Variants in SPAST observed in about 807,000 individuals in gnomAD.
SPAST encodes the protein spastin.
A neutral mutation model predicts 76.6 loss-of-function variants in SPAST; 30 were observed. That is an observed-to-expected ratio of 0.39 (90% CI 0.29 to 0.53). The LOEUF is 0.53. SPAST is among the 20% of genes least tolerant of loss of function. The pLI is 0.68. For missense variants in SPAST, 717 were observed against 770.5 expected, an observed-to-expected ratio of 0.93 and a Z score of 0.82; for synonymous variants, 305 against 281.0, an observed-to-expected ratio of 1.09 and a Z score of -0.86.
Position 32,064,121 on chromosome 2 carries a change from C to G in SPAST, c.290C>G (p.Pro97Arg), listed in dbSNP as rs1314430315. Residue 97 changes from proline (P) to arginine (R), a missense_variant, in exon 1 of 17, where the codon CCA becomes CGA. Physicochemically the swap from Pro to Arg is moderately radical, Grantham distance 103 (BLOSUM62 -2). Transcript: ENST00000315285. ...GCCAAGAGGAGCTCCGGGGCCGCGC[C>G]AGCACCTGCCTCGGCCTCGGCCCCG... ...MAAKRSSGAAPAPASASAPAP... is the reference protein window; with the variant it reads ...MAAKRSSGAARAPASASAPAP... The G allele has an allele frequency of 1.3e-6, 2 of 1,592,984 alleles. No individual in the cohort carries two copies. The highest frequency in any genetic ancestry group is 1.7e-6 in the Non-Finnish European group (2 of 1,170,146).
chr2:32,070,311 G>T (rs1035874889), intron 1 of SPAST, among the ~76,000 whole-genome samples: 1 of 151,786 alleles, frequency 6.6e-6, no homozygotes, highest in Admixed American at 6.6e-5. Flanking sequence ...GAAGTGATCC[G>T]CCTGCCTCAG....
At chr2:32,093,398 C>G (rs1486446140) in intron 3 of SPAST, among the ~76,000 whole-genome samples, 1 of 151,614 alleles carries the variant, frequency 6.6e-6, no homozygotes. Context: ...ATGAGAATTG[C>G]TCGAGCCTGG....
intron 3 of SPAST, among the ~76,000 whole-genome samples, chr2:32,091,598 C>T (rs1025771650): frequency 3.4e-5 from 5 of 148,732 alleles, no homozygotes; most frequent in African/African-American, 4.9e-5. Flanking sequence ...TTTGGGAGGC[C>T]GAGGCGGGTG....
At chr2:32,103,203 A>G (rs1184194427) in intron 4 of SPAST, among the ~76,000 whole-genome samples, 2 of 152,174 alleles carry the variant, frequency 1.3e-5, no homozygotes, top group East Asian at 1.9e-4. Context: ...GGGAGGCTGT[A>G]TGTGTCCAGG....
chr2:32,098,218 C>T (rs1308489266), intron 3 of SPAST, among the ~76,000 whole-genome samples: 1 of 151,984 alleles, frequency 6.6e-6, no homozygotes, highest in Non-Finnish European at 1.5e-5. Context: ...GTAATCCCTG[C>T]ACTTTGGGAG....
intron 3 of SPAST, among the ~76,000 whole-genome samples, 193 bp downstream of exon 3, chr2:32,089,798 C>T (rs1423073743): frequency 5.3e-5 from 8 of 151,822 alleles, no homozygotes; most frequent in African/African-American, 1.9e-4. Flanking sequence ...GACGCTTGCT[C>T]TGTCACCCAG....
intron 1 of SPAST, among the ~76,000 whole-genome samples, chr2:32,082,557 G>T (rs192063068): frequency 3.3e-5 from 5 of 151,958 alleles, no homozygotes; most frequent in Admixed American, 3.3e-4. Flanking sequence ...TTAGCCGGGC[G>T]TGGTGGCACG....
At chr2:32,110,833 C>T (rs1429401895) in intron 4 of SPAST, among the ~76,000 whole-genome samples, 1 of 103,906 alleles carries the variant, frequency 9.6e-6, no homozygotes, top group African/African-American at 3.7e-5. Context: ...AGTATATATA[C>T]AGTATACTAT....
At chr2:32,086,594 C>T (rs1677486423) in intron 1 of SPAST, among the ~76,000 whole-genome samples, 1 of 151,778 alleles carries the variant, frequency 6.6e-6, no homozygotes. Flanking sequence ...CGTCTTTATA[C>T]TTAAATTACA....
intron 4 of SPAST, among the ~76,000 whole-genome samples, chr2:32,100,983 G>C (rs1678097718): frequency 4.6e-5 from 7 of 152,100 alleles, no homozygotes; most frequent in Admixed American, 4.6e-4. Flanking sequence ...CCCAGTAATG[G>C]GATGGCTGGG....
intron 16 of SPAST, among the ~76,000 whole-genome samples, chr2:32,151,132 G>A (rs11694630): frequency 0.37 from 55,557 of 151,726 alleles, 10,537 homozygotes; most frequent in East Asian, 0.64. Context: ...TTGTAGAGAC[G>A]GGGTTTCACT....
intron 16 of SPAST, among the ~76,000 whole-genome samples, chr2:32,149,439 A>ATT (rs1425124372): frequency 6.6e-6 from 1 of 152,020 alleles, no homozygotes; most frequent in Non-Finnish European, 1.5e-5. Context: ...TCCTTATGAG[A>ATT]TGCTGAAGCA....
At chr2:32,065,944 G>C (rs1351120759) in intron 1 of SPAST, 2 of 151,518 alleles carry the variant, frequency 1.3e-5, no homozygotes, top group African/African-American at 2.4e-5. Context: ...TGTGTTTGTA[G>C]AAGGAAATTT....
intron 1 of SPAST, among the ~76,000 whole-genome samples, chr2:32,083,675 ATTT>A (rs1314379905): frequency 1.0e-5 from 1 of 97,514 alleles, no homozygotes; most frequent in South Asian, 3.3e-4. Flanking sequence ...ATATATATAT[ATTT>A]TTATGCTATA....
Position 32,155,946 on chromosome 2 carries a change from G to A in SPAST, c.*1450G>A, listed in dbSNP as rs1680236677. 1 of 152,108 alleles carries A rather than the reference G, an allele frequency of 6.6e-6. No homozygotes were observed. 9.4% of individuals were successfully genotyped at this position (152,108 alleles called of 1,614,324 possible). A position where few individuals can be genotyped will look rare whatever the true frequency, so the allele number is the denominator to read the frequency against. On this transcript the variant is annotated 3_prime_UTR_variant, in exon 17 of 17. Coordinates refer to ENST00000315285, the MANE Select transcript of SPAST (RefSeq NM_014946.4). Reference sequence around the variant, plus strand: ...AAAATAAAAAACTTGCCCCTACTAGGTAAGAACTTTATAATGAAGACATAC... The same window carrying A: ...AAAATAAAAAACTTGCCCCTACTAGATAAGAACTTTATAATGAAGACATAC...
At chr2:32,087,640 T>A in intron 2 of SPAST, 62 bp downstream of exon 2, 2 of 664,978 alleles carry the variant, frequency 3.0e-6, no homozygotes, top group South Asian at 4.5e-5. Flanking sequence ...TTGTCCAGAT[T>A]TCAGATCTAT....
At chr2:32,091,365 C>T (rs1407058402) in intron 3 of SPAST, among the ~76,000 whole-genome samples, 1 of 150,166 alleles carries the variant, frequency 6.7e-6, no homozygotes, top group African/African-American at 2.4e-5. Context: ...AATGCACCCT[C>T]CACCTCCTGG....
At chr2:32,116,062 C>T in intron 6 of SPAST, 57 bp from the exon 7 acceptor site, 1 of 1,273,276 alleles carries the variant, frequency 7.9e-7, no homozygotes, top group South Asian at 1.2e-5. Flanking sequence ...TAGGCTTCAT[C>T]TTGTAATAAC....
Position 32,063,986 on chromosome 2 carries a change from A to G in SPAST, c.155A>G (p.Tyr52Cys), listed in dbSNP as rs768329149. The G allele has an allele frequency of 3.7e-6, 6 of 1,612,844 alleles. No individual in the cohort carries two copies. The East Asian group carries it at 6.7e-5, about 18-fold the overall frequency. Residue 52 changes from tyrosine to cysteine, a missense_variant, in exon 1 of 17, where the codon TAT (tyrosine) becomes TGT (cysteine). Transcript: ENST00000315285. The stretch of plus-strand genomic sequence containing the variant: ...TCGCCGCATAAGCGGAACCTGTACT[A>G]TTTCTCCTACCCGCTGTTTGTAGGC... Reference protein sequence around the residue: ...PESPHKRNLYYFSYPLFVGFA... With the variant: ...PESPHKRNLYCFSYPLFVGFA...
Sources: gnomAD v4.1 joint callset for allele counts (sites outside exome capture counted in the v4.1 genomes callset) on GRCh38, gnomAD v4.1.1 for gene constraint, MANE v1.5 for transcripts, NCBI Gene and HGNC (gene_info 2026-07-23, HGNC 2026-07-21) for gene names.